The following CABIN1 variants were observed in gnomAD, a reference collection of about 807,000 sequenced individuals.
CABIN1 encodes the protein calcineurin binding protein 1.
CABIN1 carries 133 observed loss-of-function variants against 227.7 expected under a neutral mutation model. The ratio of observed to expected loss-of-function variants is 0.58; its 90% CI spans 0.51 to 0.67. CABIN1 has a LOEUF of 0.67. Among genes scored for constraint, CABIN1 ranks in the 30% least tolerant of loss-of-function variants. The pLI, the probability that CABIN1 is intolerant of heterozygous loss-of-function variation, is 0.00. For synonymous variants in CABIN1, 1,086 were observed against 1,155.1 expected (o/e 0.94, Z 1.21); for missense variants, 2,408 against 2,852.5 (o/e 0.84, Z 3.55).
intron 29 of CABIN1, among the ~76,000 whole-genome samples, chr22:24,159,904 C>G (rs1307988645): frequency 6.6e-6 from 1 of 152,198 alleles, no homozygotes; most frequent in Non-Finnish European, 1.5e-5. Context: ...TGGGCCTTTG[C>G]AAGTCTTAAG....
chr22:24,089,950 A>G (rs1468045058), intron 23 of CABIN1, among the ~76,000 whole-genome samples: 2 of 152,236 alleles, frequency 1.3e-5, no homozygotes, highest in Non-Finnish European at 2.9e-5. Flanking sequence ...AACACCTGCC[A>G]TCAGCCATTT....
At chr22:24,066,323 C>T (rs184196815) in intron 15 of CABIN1, among the ~76,000 whole-genome samples, 142 of 152,318 alleles carry the variant, frequency 9.3e-4, no homozygotes, top group African/African-American at 3.2e-3. Flanking sequence ...GTGTGGCAGC[C>T]ACCCCAGTGG....
At chr22:24,075,495 A>C (rs1422993373) in intron 18 of CABIN1, among the ~76,000 whole-genome samples, 1 of 152,210 alleles carries the variant, frequency 6.6e-6, no homozygotes. Flanking sequence ...GCCATGGCTC[A>C]TGCCTGTAGT....
chr22:24,045,607 C>CAA (rs71320746), intron 6 of CABIN1, among the ~76,000 whole-genome samples: 1 of 137,306 alleles, frequency 7.3e-6, no homozygotes. Flanking sequence ...GACTCTGCCT[C>CAA]AAAAAAAAAA....
chr22:24,139,001 AAG>A (rs1327868975), intron 29 of CABIN1, among the ~76,000 whole-genome samples: 2 of 152,186 alleles, frequency 1.3e-5, no homozygotes, highest in Admixed American at 1.3e-4. Flanking sequence ...AGGTCAGAAA[AAG>A]AGAGATTCTC....
At chr22:24,123,081 G>A (rs936588997) in intron 28 of CABIN1, among the ~76,000 whole-genome samples, 2 of 152,068 alleles carry the variant, frequency 1.3e-5, no homozygotes, top group South Asian at 2.1e-4. Flanking sequence ...ATGCCCCCTC[G>A]CCAGGTCATT....
intron 26 of CABIN1, among the ~76,000 whole-genome samples, chr22:24,109,144 A>C (rs2044258345): frequency 6.6e-6 from 1 of 152,148 alleles, no homozygotes; most frequent in Non-Finnish European, 1.5e-5. Context: ...TAGGTGACAG[A>C]GCAGAATTTC....
chr22:24,129,133 G>T (rs1406711526), intron 28 of CABIN1, among the ~76,000 whole-genome samples: 2 of 152,188 alleles, frequency 1.3e-5, no homozygotes, highest in Non-Finnish European at 2.9e-5. Context: ...GTCCCCAGAG[G>T]GTAGTAGTTG....
chr22:24,070,631 T>A (rs1248853643), intron 16 of CABIN1, among the ~76,000 whole-genome samples, 169 bp from the exon 17 acceptor site: 1 of 152,256 alleles, frequency 6.6e-6, no homozygotes, highest in Non-Finnish European at 1.5e-5. Flanking sequence ...GCCACTGGAC[T>A]GCCCTTCTAG....
chr22:24,169,048 C>A (rs2046627296), intron 33 of CABIN1, among the ~76,000 whole-genome samples: 1 of 149,336 alleles, frequency 6.7e-6, no homozygotes. Flanking sequence ...GGGGTTAGTG[C>A]AAGGTCCAGG....
At chr22:24,121,756 C>T (rs748403321) in intron 28 of CABIN1, among the ~76,000 whole-genome samples, 7 of 152,228 alleles carry the variant, frequency 4.6e-5, no homozygotes, top group East Asian at 1.9e-4. Flanking sequence ...ATCAGTGGAA[C>T]GGACACTAGT....
At chr22:24,059,870 C>A in intron 11 of CABIN1, 54 bp from the exon 12 acceptor site, 1 of 1,485,050 alleles carries the variant, frequency 6.7e-7, no homozygotes, top group Non-Finnish European at 9.4e-7. Context: ...ATAGGAGACC[C>A]TGGCATGGAA....
intron 28 of CABIN1, among the ~76,000 whole-genome samples, chr22:24,119,902 C>T (rs1035938876): frequency 6.6e-6 from 1 of 152,228 alleles, no homozygotes; most frequent in Non-Finnish European, 1.5e-5. Flanking sequence ...CCCAGGGTCA[C>T]AGCCAGGAAT....
Position 24,043,102 on chromosome 22 carries a change from G to C in CABIN1, c.526+18G>C, listed in dbSNP as rs1241202549. On this transcript the variant is annotated intron_variant, in intron 6 of 36. Transcript: ENST00000263119. ...TTACACAAGTGAGTCATGCTTTGATGCTTTCTTCCATGTGCCAGTGGTTTT... is the reference window on the plus strand; with the variant it reads ...TTACACAAGTGAGTCATGCTTTGATCCTTTCTTCCATGTGCCAGTGGTTTT... 1 of 1,612,410 alleles carries C rather than the reference G, an allele frequency of 6.2e-7. No individual in the cohort carries two copies. Among genetic ancestry groups the C allele is most frequent in the African/African-American group, 1.3e-5 (1 of 74,800 alleles).
chr22:24,107,055 A>T (rs2042556231), intron 26 of CABIN1, among the ~76,000 whole-genome samples: 1 of 151,654 alleles, frequency 6.6e-6, no homozygotes, highest in Non-Finnish European at 1.5e-5. Context: ...ACATCCCTGG[A>T]CTCCTTCCTG....
At chr22:24,159,433 G>A (rs1313335838) in intron 29 of CABIN1, among the ~76,000 whole-genome samples, 2 of 152,254 alleles carry the variant, frequency 1.3e-5, no homozygotes, top group African/African-American at 4.8e-5. Flanking sequence ...AGAGACTGCT[G>A]TGTGAAGTAG....
intron 29 of CABIN1, among the ~76,000 whole-genome samples, chr22:24,143,981 C>T (rs2044950539): frequency 6.6e-6 from 1 of 152,186 alleles, no homozygotes; most frequent in Non-Finnish European, 1.5e-5. Context: ...GAGAATGCTG[C>T]CAAAGGGATG....
chr22:24,136,522 G>GTTTTTTTTTTTTTT (rs2044413985), intron 29 of CABIN1, among the ~76,000 whole-genome samples: 4 of 77,376 alleles, frequency 5.2e-5, no homozygotes, highest in African/African-American at 2.0e-4. Context: ...GCTAATTTTT[G>GTTTTTTTTTTTTTT]TATTTTTTTT....
Position 24,054,861 on chromosome 22 carries a change from C to G in CABIN1, c.807-12C>G, listed in dbSNP as rs1424667702. 1.2e-6 allele frequency: 2 copies of G among 1,614,042 alleles called. No individual in the cohort carries two copies. Among genetic ancestry groups the G allele is most frequent in the African/African-American group, 1.3e-5 (1 of 74,904 alleles). On this transcript the variant is annotated splice_polypyrimidine_tract_variant and intron_variant, in intron 8 of 36. Coordinates refer to ENST00000263119, the MANE Select transcript of CABIN1 (RefSeq NM_012295.4). ...AGGGTGGTGATCAGGTGTTGTGGCC[C>G]TCTCCCTTTAGCTGGAAGTGCCTCG...
Sources: allele counts gnomAD v4.1 joint callset (sites outside exome capture counted in the v4.1 genomes callset), GRCh38; gene constraint gnomAD v4.1.1; transcripts MANE v1.5; gene names NCBI Gene and HGNC (gene_info 2026-07-23, HGNC 2026-07-21).